The following ALPL variants were observed in gnomAD, a reference collection of about 807,000 sequenced individuals.
ALPL encodes the protein alkaline phosphatase, tissue-nonspecific isozyme.
ALPL carries 42 observed loss-of-function variants against 51.3 expected under a neutral mutation model. That is an observed-to-expected ratio of 0.82 (90% CI 0.64 to 1.06). The LOEUF (loss-of-function observed/expected upper bound fraction) is 1.06. Among genes scored for constraint, ALPL ranks in the 50% least tolerant of loss-of-function variants. The pLI is 0.00. For missense variants in ALPL, 589 were observed against 709.4 expected (o/e 0.83, Z 1.93); for synonymous variants, 279 against 296.4 (o/e 0.94, Z 0.60).
intron 1 of ALPL, among the ~76,000 whole-genome samples, chr1:21,546,160 C>A (rs536539727): frequency 6.6e-6 from 1 of 152,248 alleles, no homozygotes. Context: ...CCCCACCCTG[C>A]CAGTATCACT....
At chr1:21,545,789 A>G (rs1454076742) in intron 1 of ALPL, among the ~76,000 whole-genome samples, 1 of 152,072 alleles carries the variant, frequency 6.6e-6, no homozygotes, top group East Asian at 1.9e-4. Context: ...TTGCTCAATT[A>G]AACTCTTTTA....
rs377474150 is a variant in ALPL, at chr1:21,516,347, G to T, written c.-105+6830G>T. On this transcript the variant is annotated intron_variant, in intron 1 of 11. Coordinates refer to ENST00000374840, the MANE Select transcript of ALPL (RefSeq NM_000478.6). ...ATTTCCCCTCCTCCACTCCTTCTGA[G>T]CCCTTCTATAGCTCCTCTTCTTTCT... is the stretch of plus-strand genomic sequence containing the variant. Among the ~76,000 whole-genome samples, 7 of 152,262 alleles carry T rather than the reference G, an allele frequency of 4.6e-5. 1 individual carries two copies. Among genetic ancestry groups the T allele is most frequent in the African/African-American group, 1.7e-4 (7 of 41,542 alleles).
chr1:21,511,182 T>C (rs1372059602), intron 1 of ALPL, among the ~76,000 whole-genome samples: 1 of 152,218 alleles, frequency 6.6e-6, no homozygotes, highest in African/African-American at 2.4e-5. Context: ...ATAACAAAAT[T>C]CTTTCAGGCT....
chr1:21,542,239 C>T (rs191784929), intron 1 of ALPL, among the ~76,000 whole-genome samples: 17 of 152,308 alleles, frequency 1.1e-4, no homozygotes, highest in Non-Finnish European at 2.1e-4. Flanking sequence ...TGCCCCCCAG[C>T]CCCTGCCTCA....
intron 1 of ALPL, among the ~76,000 whole-genome samples, chr1:21,517,277 G>T (rs752824649): frequency 6.6e-6 from 1 of 152,208 alleles, no homozygotes; most frequent in African/African-American, 2.4e-5. Context: ...TGACCTTATT[G>T]TATTGAGCTC....
intron 1 of ALPL, among the ~76,000 whole-genome samples, chr1:21,526,671 T>C (rs192742170): frequency 6.6e-6 from 1 of 152,316 alleles, no homozygotes; most frequent in Admixed American, 6.5e-5. Flanking sequence ...TGAAAACTTA[T>C]TATTTGAACT....
chr1:21,541,186 T>C (rs1013860468), intron 1 of ALPL, among the ~76,000 whole-genome samples: 7 of 152,106 alleles, frequency 4.6e-5, no homozygotes, highest in African/African-American at 1.4e-4. Context: ...CACTTGCCCA[T>C]CTCTGCCCCG....
At chr1:21,557,079 C>T (rs1644423760) in intron 2 of ALPL, among the ~76,000 whole-genome samples, 1 of 152,178 alleles carries the variant, frequency 6.6e-6, no homozygotes, top group East Asian at 1.9e-4. Flanking sequence ...TTCCTTCCCC[C>T]TTTTCTTCCT....
intron 6 of ALPL, among the ~76,000 whole-genome samples, chr1:21,566,997 C>A (rs957280192): frequency 6.6e-6 from 1 of 152,160 alleles, no homozygotes; most frequent in African/African-American, 2.4e-5. Flanking sequence ...AGTCTGACTT[C>A]AAAGCTCACG....
At chr1:21,531,595 C>T (rs1012943587) in intron 1 of ALPL, among the ~76,000 whole-genome samples, 12 of 152,116 alleles carry the variant, frequency 7.9e-5, no homozygotes, top group Non-Finnish European at 1.6e-4. Flanking sequence ...TGGGAGGACA[C>T]GGAGTCAGCA....
chr1:21,518,172 T>G (rs1419681003), intron 1 of ALPL, among the ~76,000 whole-genome samples: 1 of 151,964 alleles, frequency 6.6e-6, no homozygotes, highest in South Asian at 2.1e-4. Flanking sequence ...AGAGGCAGGT[T>G]TCTGGGCCTC....
intron 1 of ALPL, among the ~76,000 whole-genome samples, chr1:21,542,752 C>T (rs1335554488): frequency 6.6e-6 from 1 of 152,164 alleles, no homozygotes; most frequent in Non-Finnish European, 1.5e-5. Flanking sequence ...GCATGAGAAT[C>T]GCTTGAACTC....
Position 21,566,127 on chromosome 1 carries a change from G to C in ALPL, c.648+1911G>C, listed in dbSNP as rs76102401. ...CCCCTGAGCTCCTGGCTGCAGCTGA[G>C]AGCAAGGACTCTGCCTCTCTGAACC... On this transcript the variant is annotated intron_variant, in intron 6 of 11. Coordinates refer to ENST00000374840, the MANE Select transcript of ALPL (RefSeq NM_000478.6). Among the ~76,000 whole-genome samples the C allele has an allele frequency of 9.9e-3, 1,512 of 152,010 alleles. 28 individuals carry two copies. Among genetic ancestry groups the C allele is most frequent in the African/African-American group, 0.035 (1,436 of 41,484 alleles).
chr1:21,576,484 G>A, intron 10 of ALPL, 38 bp from the exon 11 acceptor site: 1 of 1,610,158 alleles, frequency 6.2e-7, no homozygotes, highest in African/African-American at 1.3e-5. Context: ...TACTCCTGGG[G>A]CCCCAGCATG....
chr1:21,519,258 G>T (rs1643857324), intron 1 of ALPL, among the ~76,000 whole-genome samples: 1 of 152,216 alleles, frequency 6.6e-6, no homozygotes, highest in Non-Finnish European at 1.5e-5. Flanking sequence ...CCTCATAAAA[G>T]GTTCCTACCC....
At chr1:21,528,951 TC>T (rs1020989044) in intron 1 of ALPL, among the ~76,000 whole-genome samples, 8 of 151,180 alleles carry the variant, frequency 5.3e-5, no homozygotes, top group African/African-American at 1.9e-4. Context: ...GCGCCTGTAA[TC>T]CCAGCTACTC....
At chr1:21,514,157 G>C (rs567686196) in intron 1 of ALPL, among the ~76,000 whole-genome samples, 5 of 152,146 alleles carry the variant, frequency 3.3e-5, no homozygotes, top group Non-Finnish European at 7.3e-5. Flanking sequence ...TTCCTGCTTC[G>C]GTGGTCCTCA....
rs1029166804 is a variant in ALPL, at chr1:21,509,912, C to G, written c.-105+395C>G. ...TGAGCCCCTCCTGGTGCCTCCTTAG[C>G]CGTAGCTCTAGAGACCTGGGCTGCC... On this transcript the variant is annotated intron_variant, in intron 1 of 11. Transcript: ENST00000374840. The surrounding 1 kb of genome is among the most constrained non-coding windows in gnomAD (Gnocchi z 6.0). Among the ~76,000 whole-genome samples, 1 of 152,228 alleles carries G rather than the reference C, an allele frequency of 6.6e-6. No homozygotes were observed. The highest frequency in any genetic ancestry group is 1.5e-5 in the Non-Finnish European group (1 of 68,024).
In ALPL at chr1:21,563,146, G is replaced by A. The variant is rs1384701659; in HGVS notation, c.334G>A (p.Gly112Ser). 8.1e-6 allele frequency: 13 copies of A among 1,613,746 alleles called. No homozygotes were observed. The highest frequency in any genetic ancestry group is 1.1e-5 in the Non-Finnish European group (13 of 1,180,006). The change falls in exon 5 of 12, where the codon GGC (glycine) becomes AGC (serine). Residue 112 changes from glycine to serine, a missense_variant. By Grantham distance (56) the Gly-to-Ser change is moderately conservative. Transcript: ENST00000374840. ...NTNAQVPDSA[G>S]TATAYLCGVK... ...CAATGCCCAGGTCCCTGACAGTGCC[G>A]GCACCGCCACCGCCTACCTGTGTGG...
Sources: allele counts gnomAD v4.1 joint callset (sites outside exome capture counted in the v4.1 genomes callset), GRCh38; gene constraint gnomAD v4.1.1; non-coding constraint Gnocchi (gnomAD v3.1); transcripts MANE v1.5; gene names NCBI Gene and HGNC (gene_info 2026-07-23, HGNC 2026-07-21).